Variants in STXBP4 observed in about 807,000 individuals in gnomAD.
STXBP4 encodes syntaxin binding protein 4, also known as syntaxin-binding protein 4.
A neutral mutation model predicts 76.1 loss-of-function variants in STXBP4; 55 were observed. The observed-to-expected ratio is 0.72, with a 90% confidence interval of 0.58 to 0.91. STXBP4 has a LOEUF of 0.91. Among genes scored for constraint, STXBP4 ranks in the 40% least tolerant of loss-of-function variants. The probability of loss-of-function intolerance (pLI) is 0.00; values close to 1 mark genes in which losing one functional copy is unlikely to be tolerated. For missense variants in STXBP4, 618 were observed against 636.9 expected (o/e 0.97, Z 0.32); for synonymous variants, 201 against 220.2 (o/e 0.91, Z 0.77).
At chr17:55,192,266 A>G in the STXBP4 span, among the ~76,000 whole-genome samples, 50 of 152,308 alleles carry the variant, frequency 3.3e-4, no homozygotes, top group Middle Eastern at 0.01. Context: ...GGCTTTTCCA[A>G]TACTACATCC....
chr17:55,200,930 A>G, the STXBP4 span, among the ~76,000 whole-genome samples: 8 of 152,212 alleles, frequency 5.3e-5, no homozygotes, highest in South Asian at 4.1e-4. Context: ...CTCTAACCCA[A>G]TTGGGAGTCC....
intron 10 of STXBP4, among the ~76,000 whole-genome samples, chr17:55,042,455 A>G (rs2078717993): frequency 1.3e-5 from 2 of 152,062 alleles, no homozygotes; most frequent in Non-Finnish European, 2.9e-5. Context: ...TTACCTATCT[A>G]AAGGGCCCTG....
At chr17:55,096,264 T>C (rs552146930) in intron 16 of STXBP4, among the ~76,000 whole-genome samples, 6 of 152,248 alleles carry the variant, frequency 3.9e-5, no homozygotes, top group African/African-American at 1.2e-4. Context: ...CAGGTGATCC[T>C]CCCACCTCAG....
intron 4 of STXBP4, among the ~76,000 whole-genome samples, chr17:54,996,339 T>A (rs908654925): frequency 2.0e-5 from 3 of 151,260 alleles, no homozygotes; most frequent in Non-Finnish European, 4.4e-5. Flanking sequence ...GAATGAAGAA[T>A]ATGCTGGTGT....
chr17:55,132,853 T>C (rs2079987602), intron 16 of STXBP4, among the ~76,000 whole-genome samples: 1 of 151,898 alleles, frequency 6.6e-6, no homozygotes. Context: ...AATGACAGAG[T>C]GAACCATGCA....
At chr17:54,971,450 G>A (rs1225272509) in intron 1 of STXBP4, among the ~76,000 whole-genome samples, 1 of 152,186 alleles carries the variant, frequency 6.6e-6, no homozygotes, top group African/African-American at 2.4e-5. Context: ...ACATAGATTG[G>A]AGTAAATGAG....
At chr17:55,128,669 G>T (rs1261890612) in intron 16 of STXBP4, among the ~76,000 whole-genome samples, 2 of 152,190 alleles carry the variant, frequency 1.3e-5, no homozygotes, top group African/African-American at 4.8e-5. Context: ...AGGCTGGAGT[G>T]CAATGGCACG....
chr17:55,011,508 CTTT>C (rs3080154), intron 8 of STXBP4, among the ~76,000 whole-genome samples: 6 of 85,918 alleles, frequency 7.0e-5, no homozygotes, highest in African/African-American at 1.6e-4. Context: ...TTTTCTTTTT[CTTT>C]TTTTTTTTTT....
At position 55,159,860 on chromosome 17, in the gene STXBP4, A is replaced by T; in HGVS notation, c.1611A>T (p.Ser537=). ...TGAGTGTCCTGAATCTATCTCGCTCAGAGGAGAATGAAGAGGATTGCTCTA... is the reference window on the plus strand; with the variant it reads ...TGAGTGTCCTGAATCTATCTCGCTCTGAGGAGAATGAAGAGGATTGCTCTA... ...PVMSVLNLSR[S]EENEEDCSRE... Residue 537 remains serine (S), a synonymous_variant, in exon 18 of 18, where the codon TCA becomes TCT. Coordinates refer to ENST00000376352, the MANE Select transcript of STXBP4 (RefSeq NM_178509.6). 6.2e-7 allele frequency: 1 copy of T among 1,614,030 alleles called. No homozygotes were observed. The highest frequency in any genetic ancestry group is 8.5e-7 in the Non-Finnish European group (1 of 1,179,932).
At chr17:55,175,724 C>T (rs369092717), downstream of STXBP4, among the ~76,000 whole-genome samples, 16 of 152,298 alleles carry the variant, frequency 1.1e-4, no homozygotes, top group South Asian at 3.3e-3. Flanking sequence ...GGATCAGGCA[C>T]CCTGCCAGAG....
chr17:55,104,323 T>C (rs1046322410), intron 16 of STXBP4, among the ~76,000 whole-genome samples: 50 of 151,950 alleles, frequency 3.3e-4, no homozygotes, highest in Admixed American at 2.1e-3. Flanking sequence ...TTATTGGGAG[T>C]TTTTAGCATG....
At chr17:55,010,983 T>C (rs2078099957) in intron 8 of STXBP4, among the ~76,000 whole-genome samples, 1 of 152,216 alleles carries the variant, frequency 6.6e-6, no homozygotes, top group Non-Finnish European at 1.5e-5. Context: ...TCCCCATACA[T>C]ATTCTGCTTA....
At chr17:55,017,789 C>T (rs1420106459) in intron 8 of STXBP4, among the ~76,000 whole-genome samples, 2 of 152,248 alleles carry the variant, frequency 1.3e-5, no homozygotes, top group South Asian at 2.1e-4. Flanking sequence ...ATGCTCCCAA[C>T]CCAGAAGGGT....
Position 55,167,688 on chromosome 17 carries a change from CT to C in STXBP4, c.*7779del, listed in dbSNP as rs2080383516. On this transcript the variant is annotated 3_prime_UTR_variant, in exon 18 of 18. Coordinates refer to ENST00000376352, the MANE Select transcript of STXBP4 (RefSeq NM_178509.6). ...TTCAGAGCAGCAGCAAACTTCTGTT[CT>C]TATGGGTTAATTAATCATGTTACTG... The C allele has an allele frequency of 6.6e-6, 1 of 152,172 alleles. No homozygotes were observed. The highest frequency in any genetic ancestry group is 1.5e-5 in the Non-Finnish European group (1 of 68,020). The allele number at this position is 152,172 out of a possible 1,614,324, so 9.4% of individuals were successfully genotyped here.
Position 55,170,752 on chromosome 17 carries a change from C to CA in STXBP4, c.*10848dup, listed in dbSNP as rs993130523. 6.6e-6 allele frequency: 1 copy of CA among 152,102 alleles called. No homozygotes were observed. Among genetic ancestry groups the CA allele is most frequent in the Non-Finnish European group, 1.5e-5 (1 of 68,000 alleles). The allele number at this position is 152,102 out of a possible 1,614,324, so 9.4% of individuals were successfully genotyped here. ...ACTAAATTGATTATTGTGGAAACAA[C>CA]AAAAAAATTCATTTTTTGAAATGAA... is the stretch of plus-strand genomic sequence containing the variant. On this transcript the variant is annotated 3_prime_UTR_variant, in exon 18 of 18. Transcript: ENST00000376352.
Position 55,172,807 on chromosome 17 carries a change from G to A in STXBP4, c.*12896G>A, listed in dbSNP as rs2145218410. The stretch of plus-strand genomic sequence containing the variant: ...TTGTAAACTGAAGGTCCCAAATCCT[G>A]GGAACTCCCTCAGCTCTGGGCAAGC... On this transcript the variant is annotated 3_prime_UTR_variant, in exon 18 of 18. Coordinates refer to ENST00000376352, the MANE Select transcript of STXBP4 (RefSeq NM_178509.6). 1 of 152,282 alleles carries A rather than the reference G, an allele frequency of 6.6e-6. No individual in the cohort carries two copies. Among genetic ancestry groups the A allele is most frequent in the South Asian group, 2.1e-4 (1 of 4,830 alleles). 9.4% of individuals were successfully genotyped at this position (152,282 alleles called of 1,614,324 possible). A position where few individuals can be genotyped will look rare whatever the true frequency, so the allele number is the denominator to read the frequency against.
chr17:55,056,857 A>T (rs1306921110), intron 12 of STXBP4, among the ~76,000 whole-genome samples: 2 of 152,190 alleles, frequency 1.3e-5, no homozygotes, highest in African/African-American at 4.8e-5. Flanking sequence ...AAATATTAGC[A>T]TCAAATTCAA....
chr17:55,213,140 C>T, the STXBP4 span, among the ~76,000 whole-genome samples: 1,008 of 151,890 alleles, frequency 6.6e-3, 11 homozygotes, highest in African/African-American at 0.021. Flanking sequence ...GAAGAAACTG[C>T]CCCCCATCGA....
chr17:55,069,832 T>C (rs916580475), intron 12 of STXBP4, among the ~76,000 whole-genome samples: 3 of 152,188 alleles, frequency 2.0e-5, no homozygotes, highest in Admixed American at 6.6e-5. Flanking sequence ...AAAGTGCTGT[T>C]TTTATAGAGG....
Sources: allele counts gnomAD v4.1 joint callset (sites outside exome capture counted in the v4.1 genomes callset), GRCh38; gene constraint gnomAD v4.1.1; transcripts MANE v1.5; gene names NCBI Gene and HGNC (gene_info 2026-07-23, HGNC 2026-07-21).